The following CSMD1 variants were observed in gnomAD, a reference collection of about 807,000 sequenced individuals.
The protein encoded by CSMD1 is CUB and Sushi multiple domains 1, also known as CUB and sushi domain-containing protein 1.
A neutral mutation model predicts 417.5 loss-of-function variants in CSMD1; 213 were observed. The ratio of observed to expected loss-of-function variants is 0.51; its 90% confidence interval spans 0.46 to 0.57. CSMD1 has a LOEUF of 0.57. Among genes scored for constraint, CSMD1 ranks in the 20% least tolerant of loss-of-function variants. CSMD1 has a pLI of 0.00. For synonymous variants in CSMD1, 2,862 were observed against 1,736.8 expected (o/e 1.65, Z -16.11); for missense variants, 6,923 against 4,529.7 (o/e 1.53, Z -15.17).
chr8:3,771,342 C>A (rs2407039), intron 5 of CSMD1, among the ~76,000 whole-genome samples: 5 of 151,858 alleles, frequency 3.3e-5, no homozygotes, highest in South Asian at 2.1e-4. Context: ...CAAAGAAGAA[C>A]GCTTAGAAAT....
chr8:4,638,875 G>A (rs1190896879), intron 1 of CSMD1, among the ~76,000 whole-genome samples: 1 of 152,176 alleles, frequency 6.6e-6, no homozygotes. Context: ...CTCTGCCTCT[G>A]AAGATTTTGT....
intron 1 of CSMD1, among the ~76,000 whole-genome samples, chr8:4,643,910 G>C (rs191154197): frequency 6.6e-6 from 1 of 152,194 alleles, no homozygotes; most frequent in Non-Finnish European, 1.5e-5. Context: ...GGCTTTGAAA[G>C]CCTGATGATT....
At chr8:4,227,857 A>C (rs748445996) in intron 3 of CSMD1, among the ~76,000 whole-genome samples, 10 of 151,284 alleles carry the variant, frequency 6.6e-5, no homozygotes, top group Non-Finnish European at 8.8e-5. Context: ...CCACACCAGG[A>C]GACACAGCCT....
intron 49 of CSMD1, among the ~76,000 whole-genome samples, chr8:3,070,637 A>G (rs1052294735): frequency 3.3e-5 from 5 of 152,326 alleles, no homozygotes; most frequent in African/African-American, 1.2e-4. Flanking sequence ...AGACCCCATC[A>G]GCCTGGTCTT....
chr8:4,352,414 T>C lies in CSMD1; in HGVS notation c.415+67539A>G, dbSNP rs146313414. On this transcript the variant is annotated intron_variant, in intron 3 of 69. Transcript: ENST00000635120. ...GATCCACAGAAAATGAGAACACCAG[T>C]ATAAATATTTCCTTTTCAACTCAAA... Among the ~76,000 whole-genome samples the C allele has an allele frequency of 3.0e-3, 460 of 152,300 alleles. 1 individual carries two copies. Among genetic ancestry groups the C allele is most frequent in the African/African-American group, 0.011 (444 of 41,570 alleles).
intron 4 of CSMD1, among the ~76,000 whole-genome samples, chr8:4,017,553 A>C (rs1027970939): frequency 2.6e-5 from 4 of 151,984 alleles, no homozygotes; most frequent in Non-Finnish European, 5.9e-5. Context: ...TGATCCACCC[A>C]CCTTGGTCTC....
chr8:3,045,098 T>C (rs940382548), intron 50 of CSMD1, among the ~76,000 whole-genome samples: 24 of 152,336 alleles, frequency 1.6e-4, no homozygotes, highest in Middle Eastern at 3.4e-3. Flanking sequence ...ATCTCTTTTT[T>C]ACAAACTTTA....
chr8:4,327,050 C>T (rs773274422), intron 3 of CSMD1, among the ~76,000 whole-genome samples: 1 of 152,118 alleles, frequency 6.6e-6, no homozygotes, highest in East Asian at 1.9e-4. Context: ...GATTCCAACT[C>T]AGAAGACGAC....
At chr8:4,586,152 G>A (rs1799688513) in intron 2 of CSMD1, among the ~76,000 whole-genome samples, 1 of 152,078 alleles carries the variant, frequency 6.6e-6, no homozygotes, top group East Asian at 1.9e-4. Flanking sequence ...CCATTTCTTT[G>A]TGTTTAAAAA....
intron 1 of CSMD1, among the ~76,000 whole-genome samples, chr8:4,694,960 T>C (rs751839116): frequency 3.3e-5 from 5 of 152,332 alleles, no homozygotes; most frequent in Admixed American, 6.5e-5. Context: ...TCTAGGTTCT[T>C]GTACCTTTCA....
intron 5 of CSMD1, among the ~76,000 whole-genome samples, chr8:3,880,432 G>C (rs1021309529): frequency 6.6e-6 from 1 of 152,164 alleles, no homozygotes; most frequent in Non-Finnish European, 1.5e-5. Context: ...CAGGATTTGA[G>C]TGATATTTAT....
chr8:3,629,688 T>C (rs936931734), intron 7 of CSMD1, among the ~76,000 whole-genome samples: 1 of 152,018 alleles, frequency 6.6e-6, no homozygotes, highest in Non-Finnish European at 1.5e-5. Flanking sequence ...ATTACGGAGA[T>C]AGAAAAGACC....
At chr8:4,538,438 T>G (rs1027240652) in intron 2 of CSMD1, among the ~76,000 whole-genome samples, 1 of 151,432 alleles carries the variant, frequency 6.6e-6, no homozygotes, top group Non-Finnish European at 1.5e-5. Context: ...AGATCAGGAG[T>G]TTGAGACCAG....
At chr8:3,510,161 T>C (rs1308777364) in intron 10 of CSMD1, among the ~76,000 whole-genome samples, 1 of 149,444 alleles carries the variant, frequency 6.7e-6, no homozygotes, top group East Asian at 1.9e-4. Flanking sequence ...TATGCTTTTG[T>C]GAAAACACTG....
intron 49 of CSMD1, among the ~76,000 whole-genome samples, chr8:3,054,338 C>A (rs538534311): frequency 2.6e-5 from 4 of 152,270 alleles, no homozygotes; most frequent in African/African-American, 9.6e-5. Context: ...TACATGTGGG[C>A]CGGGCACAGT....
chr8:3,979,251 T>C (rs769176515), intron 5 of CSMD1, among the ~76,000 whole-genome samples: 36 of 152,158 alleles, frequency 2.4e-4, no homozygotes, highest in Non-Finnish European at 5.0e-4. Flanking sequence ...TTAGGGCATC[T>C]TTTTGTTTTG....
At chr8:4,149,371 T>C (rs1015580552) in intron 3 of CSMD1, among the ~76,000 whole-genome samples, 10 of 152,174 alleles carry the variant, frequency 6.6e-5, no homozygotes, top group Admixed American at 6.5e-4. Flanking sequence ...CACTTTGGTA[T>C]AATAAAACCA....
intron 8 of CSMD1, among the ~76,000 whole-genome samples, chr8:3,605,253 G>C (rs1013543471): frequency 1.3e-5 from 2 of 152,194 alleles, no homozygotes; most frequent in African/African-American, 2.4e-5. Context: ...GCCTCCCACA[G>C]TGCTGGGTTT....
intron 11 of CSMD1, among the ~76,000 whole-genome samples, chr8:3,486,191 T>G (rs1381066602): frequency 6.6e-6 from 1 of 152,248 alleles, no homozygotes; most frequent in Non-Finnish European, 1.5e-5. Context: ...CTGGATGTTT[T>G]ATTATATTAA....
Sources: allele counts gnomAD v4.1 joint callset (sites outside exome capture counted in the v4.1 genomes callset), GRCh38; gene constraint gnomAD v4.1.1; transcripts MANE v1.5; gene names NCBI Gene and HGNC (gene_info 2026-07-23, HGNC 2026-07-21).